Variants in KIAA1671 observed in about 807,000 individuals in gnomAD.
KIAA1671 encodes the protein KIAA1671, also known as uncharacterized protein KIAA1671.
In KIAA1671, 52 loss-of-function variants were observed where a neutral mutation model predicts 131.2. The ratio of observed to expected loss-of-function variants is 0.40; its 90% CI spans 0.32 to 0.50. The LOEUF is 0.50. KIAA1671 is among the 20% of genes least tolerant of loss of function. KIAA1671 has a pLI of 0.73. For missense variants in KIAA1671, 2,360 were observed against 2,364.2 expected (o/e 1.00, Z 0.04); for synonymous variants, 1,003 against 961.6 (o/e 1.04, Z -0.80).
At chr22:24,963,034 G>A (rs968867764) in intron 1 of KIAA1671, among the ~76,000 whole-genome samples, 1 of 152,070 alleles carries the variant, frequency 6.6e-6, no homozygotes, top group East Asian at 1.9e-4. Context: ...ATGAGTATCC[G>A]CAGGGGTCAC....
chr22:25,101,192 GC>G (rs1231938518), intron 6 of KIAA1671, among the ~76,000 whole-genome samples: 2 of 152,182 alleles, frequency 1.3e-5, no homozygotes, highest in Non-Finnish European at 2.9e-5. Context: ...GGGTCTGATT[GC>G]CCCCAGAACC....
intron 6 of KIAA1671, among the ~76,000 whole-genome samples, chr22:25,146,044 A>C (rs1932873552): frequency 6.6e-6 from 1 of 152,234 alleles, no homozygotes; most frequent in African/African-American, 2.4e-5. Context: ...GTATGAATGC[A>C]GTTCTCTTTA....
intron 1 of KIAA1671, among the ~76,000 whole-genome samples, chr22:25,001,829 A>T (rs1463162809): frequency 6.6e-6 from 1 of 152,156 alleles, no homozygotes; most frequent in African/African-American, 2.4e-5. Context: ...ATAACACAGG[A>T]TTCCTGTAGC....
chr22:25,043,809 G>T (rs1419630767), intron 5 of KIAA1671, among the ~76,000 whole-genome samples: 5 of 152,156 alleles, frequency 3.3e-5, no homozygotes, highest in Non-Finnish European at 7.3e-5. Context: ...TGTTGTGGGG[G>T]ACATGTGGAA....
rs373661481 is a variant in KIAA1671 at position 25,116,545 on chromosome 22, C to A, written c.4531-54275C>A. On this transcript the variant is annotated intron_variant, in intron 6 of 12. Transcript: ENST00000358431. ...CAAGCAATTCTCCTGCCTCAGCCTC[C>A]TGAGTAGCTGGGACTGCAGGCGTGT... Among the ~76,000 whole-genome samples the A allele has an allele frequency of 2.0e-4, 30 of 152,126 alleles. No individual in the cohort carries two copies. The East Asian group carries it at 5.2e-3, about 27-fold the overall frequency.
chr22:25,127,899 T>C (rs906496870), intron 6 of KIAA1671, among the ~76,000 whole-genome samples: 3 of 152,182 alleles, frequency 2.0e-5, no homozygotes, highest in Non-Finnish European at 4.4e-5. Context: ...TGAGCTGAAT[T>C]GTGGTGAAGC....
intron 6 of KIAA1671, chr22:25,064,678 A>G (rs1356194774): frequency 1.3e-5 from 2 of 152,172 alleles, no homozygotes; most frequent in African/African-American, 4.8e-5. Context: ...CTGCTTGAAG[A>G]TGGGCACATG....
At chr22:25,183,791 G>A (rs138162924) in intron 10 of KIAA1671, among the ~76,000 whole-genome samples, 2,546 of 149,840 alleles carry the variant, frequency 0.017, 68 homozygotes, top group African/African-American at 0.059. Context: ...CAAAGTGCTG[G>A]GATTACAGGC....
At chr22:25,000,170 A>G (rs1924363359) in intron 1 of KIAA1671, among the ~76,000 whole-genome samples, 1 of 140,748 alleles carries the variant, frequency 7.1e-6, no homozygotes, top group South Asian at 2.3e-4. Context: ...GGTGTGAGCC[A>G]CTGCTCCTCG....
chr22:25,108,164 T>A (rs1358096076), intron 6 of KIAA1671, among the ~76,000 whole-genome samples: 1 of 152,226 alleles, frequency 6.6e-6, no homozygotes, highest in African/African-American at 2.4e-5. Context: ...TGTGGACATA[T>A]GTGTCTTGTT....
intron 1 of KIAA1671, among the ~76,000 whole-genome samples, chr22:24,986,483 C>CAA (rs565802786): frequency 0.04 from 6,126 of 151,340 alleles, 421 homozygotes; most frequent in African/African-American, 0.14. Flanking sequence ...TGGAATATGA[C>CAA]AAGAAAAAAA....
intron 3 of KIAA1671, among the ~76,000 whole-genome samples, chr22:25,030,103 TTAA>T (rs1383722863): frequency 6.6e-6 from 1 of 152,260 alleles, no homozygotes; most frequent in African/African-American, 2.4e-5. Context: ...AGTCAGTTGG[TTAA>T]TAATGATACT....
At chr22:25,070,135 A>C (rs962839617) in intron 6 of KIAA1671, 3 of 370,926 alleles carry the variant, frequency 8.1e-6, no homozygotes, top group African/African-American at 2.1e-5. Flanking sequence ...ACGAGAAGCC[A>C]GAGATGCCCC....
At chr22:25,006,976 G>A (rs1430979824) in intron 1 of KIAA1671, among the ~76,000 whole-genome samples, 1 of 152,030 alleles carries the variant, frequency 6.6e-6, no homozygotes. Flanking sequence ...ATTAGGACCT[G>A]GACATTTTTG....
chr22:24,991,290 T>C (rs550489698), intron 1 of KIAA1671, among the ~76,000 whole-genome samples: 2 of 151,710 alleles, frequency 1.3e-5, no homozygotes, highest in South Asian at 4.1e-4. Flanking sequence ...CCCAAAGTGC[T>C]GGGATTACAG....
intron 9 of KIAA1671, among the ~76,000 whole-genome samples, chr22:25,178,370 C>T (rs987280942): frequency 3.9e-5 from 6 of 152,174 alleles, no homozygotes; most frequent in African/African-American, 1.2e-4. Flanking sequence ...CTGTGGGCAG[C>T]GGTCCCACAA....
intron 2 of KIAA1671, 40 bp from the exon 3 acceptor site, chr22:25,027,905 G>A: frequency 1.9e-6 from 2 of 1,035,872 alleles, no homozygotes; most frequent in Non-Finnish European, 2.8e-6. Flanking sequence ...GACACTGACT[G>A]TTTTCCAAAT....
intron 1 of KIAA1671, chr22:25,023,880 G>A (rs1417377577): frequency 2.6e-5 from 4 of 152,056 alleles, no homozygotes; most frequent in Non-Finnish European, 4.4e-5. Context: ...GGGAGGCAGA[G>A]GTTGCAGTGA....
At chr22:25,146,767 C>G (rs11912775) in intron 6 of KIAA1671, among the ~76,000 whole-genome samples, 3,657 of 152,286 alleles carry the variant, frequency 0.024, 148 homozygotes, top group African/African-American at 0.082. Context: ...TATTAATGCA[C>G]TCACCAAAGG....
Sources: allele counts gnomAD v4.1 joint callset (sites outside exome capture counted in the v4.1 genomes callset), GRCh38; gene constraint gnomAD v4.1.1; transcripts MANE v1.5; gene names NCBI Gene and HGNC (gene_info 2026-07-23, HGNC 2026-07-21).